BDNF: variants seen among roughly 807,000 people sequenced by gnomAD.
The protein encoded by BDNF is neurotrophic factor BDNF precursor form.
In BDNF, 1 loss-of-function variant was observed where a neutral mutation model predicts 19.5. The observed-to-expected ratio is 0.05, with a 90% CI of 0.02 to 0.24. BDNF has a LOEUF of 0.24. Among genes scored for constraint, BDNF ranks in the 10% least tolerant of loss-of-function variants. The pLI is 1.00. For missense variants in BDNF, 195 were observed against 317.6 expected (o/e 0.61, Z 2.93); for synonymous variants, 100 against 121.6 (o/e 0.82, Z 1.17).
chr11:27,705,408 T>C (rs1193206634), upstream of BDNF, among the ~76,000 whole-genome samples: 4 of 152,342 alleles, frequency 2.6e-5, no homozygotes, highest in Non-Finnish European at 4.4e-5. Context: ...GGCTGTGTGA[T>C]GTTTGGAGTG....
At chr11:27,714,958 A>T (rs970683313) in intron 1 of BDNF, among the ~76,000 whole-genome samples, 1 of 152,166 alleles carries the variant, frequency 6.6e-6, no homozygotes, top group Non-Finnish European at 1.5e-5. Context: ...ATGAGTCCAG[A>T]GGTCTGTCCC....
intron 1 of BDNF, among the ~76,000 whole-genome samples, chr11:27,667,083 A>G (rs1215919869): frequency 6.6e-6 from 1 of 152,250 alleles, no homozygotes; most frequent in Non-Finnish European, 1.5e-5. Flanking sequence ...CAGAAACTCT[A>G]CAAGCCAGAA....
At chr11:27,674,043 A>G in intron 1 of BDNF, 2 of 1,572,514 alleles carry the variant, frequency 1.3e-6, no homozygotes, top group Non-Finnish European at 1.7e-6. Flanking sequence ...GAAGGCTATT[A>G]GCTCTCTGTT....
intron 1 of BDNF, among the ~76,000 whole-genome samples, chr11:27,712,940 T>C (rs1433747460): frequency 1.4e-5 from 2 of 147,432 alleles, no homozygotes; most frequent in Admixed American, 6.7e-5. Context: ...TTTTTTTTTT[T>C]TTTTTTTGCC....
chr11:27,672,893 G>C (rs1292013696), intron 1 of BDNF, among the ~76,000 whole-genome samples: 2 of 152,170 alleles, frequency 1.3e-5, no homozygotes, highest in Non-Finnish European at 2.9e-5. Context: ...CTGGTCCACT[G>C]TTCAGGCTTT....
At chr11:27,713,706 T>A (rs558518389) in intron 1 of BDNF, among the ~76,000 whole-genome samples, 2 of 152,162 alleles carry the variant, frequency 1.3e-5, no homozygotes, top group Admixed American at 6.5e-5. Context: ...TTAGGAAAAT[T>A]GTTGGATCAC....
chr11:27,668,666 A>G (rs1475944074), intron 1 of BDNF, among the ~76,000 whole-genome samples: 1 of 152,182 alleles, frequency 6.6e-6, no homozygotes, highest in Non-Finnish European at 1.5e-5. Context: ...CCTAAAAGAA[A>G]TTTATAAATT....
chr11:27,695,170 T>C (rs940827732), intron 1 of BDNF, among the ~76,000 whole-genome samples: 1 of 152,230 alleles, frequency 6.6e-6, no homozygotes, highest in Non-Finnish European at 1.5e-5. Flanking sequence ...GCCATTTGGC[T>C]AGTAAAGCTG....
chr11:27,663,959 G>T (rs926874789), intron 1 of BDNF, among the ~76,000 whole-genome samples: 1 of 151,988 alleles, frequency 6.6e-6, no homozygotes, highest in East Asian at 1.9e-4. Flanking sequence ...TGCAAAAATT[G>T]TAGCATGTTA....
intron 1 of BDNF, among the ~76,000 whole-genome samples, chr11:27,670,325 A>G (rs977186842): frequency 2.0e-5 from 3 of 152,188 alleles, no homozygotes; most frequent in Non-Finnish European, 4.4e-5. Flanking sequence ...AACCTAGGCA[A>G]TACCATTCAG....
rs1852600327 is a variant in BDNF at position 27,656,760 on chromosome 11, C to T, written c.*1061G>A. The T allele has an allele frequency of 1.0e-6, 1 of 985,218 alleles. No homozygotes were observed. The highest frequency in any genetic ancestry group is 1.2e-6 in the Non-Finnish European group (1 of 829,884). The allele number at this position is 985,218 out of a possible 1,614,324, so 61.0% of individuals were successfully genotyped here. The stretch of plus-strand genomic sequence containing the variant: ...CCATGATTTACCCAAATGTTCACTC[C>T]TCATAAAAAATAATCTTCATTTTGG... On this transcript the variant is annotated 3_prime_UTR_variant, in exon 2 of 2. Transcript: ENST00000356660.
chr11:27,719,154 G>GAGGT (rs1304819135), intron 1 of BDNF, among the ~76,000 whole-genome samples: 2 of 152,138 alleles, frequency 1.3e-5, no homozygotes, highest in Non-Finnish European at 2.9e-5. Flanking sequence ...GGGGGCGGGA[G>GAGGT]AGGTAGAACA....
intron 1 of BDNF, among the ~76,000 whole-genome samples, chr11:27,684,207 T>C (rs1055809385): frequency 6.6e-6 from 1 of 151,714 alleles, no homozygotes; most frequent in African/African-American, 2.4e-5. Flanking sequence ...CTGTTTGTCA[T>C]TATTGGTGTA....
intron 1 of BDNF, among the ~76,000 whole-genome samples, chr11:27,679,680 A>C (rs1279477927): frequency 6.6e-6 from 1 of 152,196 alleles, no homozygotes; most frequent in Non-Finnish European, 1.5e-5. Flanking sequence ...TGCATGGTTA[A>C]TCATTTAGTT....
chr11:27,685,649 T>G (rs1464176787), intron 1 of BDNF, among the ~76,000 whole-genome samples: 1 of 152,244 alleles, frequency 6.6e-6, no homozygotes, highest in Non-Finnish European at 1.5e-5. Flanking sequence ...CTTCTTTTTG[T>G]TATTTACTCA....
In BDNF at chr11:27,658,070, T is replaced by A. The variant is rs761108714; in HGVS notation, c.495A>T (p.Thr165=). ...TTGATACAGGGACCTTTTCAAGGAC[T>A]GTGACCGTCCCGCCCGACATGTCCA... ...TAVDMSGGTV[T]VLEKVPVSKG... The change falls in exon 2 of 2, where the codon ACA becomes ACT. Residue 165 remains threonine (T), a synonymous_variant. Coordinates refer to ENST00000356660, the MANE Select transcript of BDNF (RefSeq NM_001709.5). This position sits in a 1 kb window ranked among gnomAD's most constrained non-coding sequence, Gnocchi z 5.7. The A allele has an allele frequency of 7.4e-6, 12 of 1,614,194 alleles. No individual in the cohort carries two copies. The highest frequency in any genetic ancestry group is 1.0e-5 in the Non-Finnish European group (12 of 1,180,038).
At chr11:27,681,018 C>T (rs1856772616) in intron 1 of BDNF, among the ~76,000 whole-genome samples, 1 of 152,206 alleles carries the variant, frequency 6.6e-6, no homozygotes, top group Non-Finnish European at 1.5e-5. Context: ...ATCAGATTAA[C>T]CTCTCCTCTT....
chr11:27,665,089 G>T (rs1854087933), intron 1 of BDNF, among the ~76,000 whole-genome samples: 1 of 152,172 alleles, frequency 6.6e-6, no homozygotes, highest in Non-Finnish European at 1.5e-5. Context: ...TCTTCAATTA[G>T]AATTCTGTTT....
chr11:27,660,806 T>G (rs1297698290), intron 1 of BDNF, among the ~76,000 whole-genome samples: 1 of 152,036 alleles, frequency 6.6e-6, no homozygotes, highest in East Asian at 1.9e-4. Flanking sequence ...GAACTATAGT[T>G]TAATACATAT....
Sources: allele counts gnomAD v4.1 joint callset (sites outside exome capture counted in the v4.1 genomes callset), GRCh38; gene constraint gnomAD v4.1.1; non-coding constraint Gnocchi (gnomAD v3.1); transcripts MANE v1.5; gene names NCBI Gene and HGNC (gene_info 2026-07-23, HGNC 2026-07-21).